CUL9: variants seen among roughly 807,000 people sequenced by gnomAD.
CUL9 encodes cullin 9.
A neutral mutation model predicts 272.6 loss-of-function variants in CUL9; 79 were observed. The observed-to-expected ratio is 0.29, with a 90% CI of 0.24 to 0.35. CUL9 has a LOEUF of 0.35. Ranked by LOEUF, CUL9 falls within the 10% of genes least tolerant of loss-of-function variation. The probability of loss-of-function intolerance (pLI) is 1.00; values close to 1 mark genes in which losing one functional copy is unlikely to be tolerated. For missense variants in CUL9, 2,532 were observed against 3,255.6 expected (o/e 0.78, Z 5.41); for synonymous variants, 1,186 against 1,286.5 (o/e 0.92, Z 1.67).
Position 43,184,607 on chromosome 6 carries a change from C to G in CUL9, c.297C>G (p.Ser99Arg), listed in dbSNP as rs747391895. The G allele has an allele frequency of 1.9e-6, 3 of 1,612,482 alleles. No individual in the cohort carries two copies. The South Asian group carries it at 3.3e-5, about 18-fold the overall frequency. The change falls in exon 2 of 41, where the codon AGC becomes AGG. Residue 99 changes from serine (S) to arginine (R), a missense_variant. Around this residue, in one of 3 missense-constraint regions of CUL9, gnomAD observed 2,218 missense variants for 2,788.6 expected, o/e 0.80. Coordinates refer to ENST00000252050, the MANE Select transcript of CUL9 (RefSeq NM_015089.4). This position sits in a 1 kb window ranked among gnomAD's most constrained non-coding sequence, Gnocchi z 4.8. ...ACGAACCAGCTGGGGTTTCAGGAAGCTTTCCTCGAGATCCAGGAGGCCTGG... is the reference window on the plus strand; with the variant it reads ...ACGAACCAGCTGGGGTTTCAGGAAGGTTTCCTCGAGATCCAGGAGGCCTGG... ...LQHEPAGVSG[S>R]FPRDPGGLDE...
rs776871653 is a variant in CUL9 at position 43,222,821 on chromosome 6, G to A, written c.7075G>A (p.Ala2359Thr). The change falls in exon 38 of 41, where the codon GCA becomes ACA. Residue 2359 changes from alanine to threonine, a missense_variant. Physicochemically the swap from Ala to Thr is moderately conservative, Grantham distance 58. Transcript: ENST00000252050. ...CGTGTACAGCTTCTACAGCCAGGAC[G>A]CAGAGTACATGGATGTGGTGGAGCA... ...ACVYSFYSQD[A>T]EYMDVVEQQT... 2.5e-6 allele frequency: 4 copies of A among 1,614,086 alleles called. No homozygotes were observed. The highest frequency in any genetic ancestry group is 1.1e-5 in the South Asian group (1 of 91,080).
chr6:43,222,726 G>A, intron 37 of CUL9, 53 bp from the exon 38 acceptor site: 2 of 1,606,988 alleles, frequency 1.2e-6, no homozygotes, highest in Non-Finnish European at 1.7e-6. Context: ...GACTTGCCTG[G>A]GTGAAGGGAA....
intron 31 of CUL9, among the ~76,000 whole-genome samples, chr6:43,219,091 A>T (rs542919156): frequency 6.6e-6 from 1 of 152,276 alleles, no homozygotes; most frequent in Non-Finnish European, 1.5e-5. Context: ...CAGGAGGTTG[A>T]GGTGGGAGGA....
At position 43,202,701 on chromosome 6, in the gene CUL9, TTTC is replaced by T. The variant is rs750058182; in HGVS notation, c.3648-9_3648-7del. The T allele has an allele frequency of 2.9e-5, 46 of 1,612,732 alleles. No homozygotes were observed. The Middle Eastern group carries it at 5.0e-4, about 17-fold the overall frequency. ...CAGAGGCCCAGCTTTGACTGTTTCC[TTTC>T]TTCTTTCCCAGGCAGCTCACTTTGC... On this transcript the variant is annotated splice_polypyrimidine_tract_variant and intron_variant, in intron 16 of 40. Coordinates refer to ENST00000252050, the MANE Select transcript of CUL9 (RefSeq NM_015089.4).
intron 8 of CUL9, among the ~76,000 whole-genome samples, chr6:43,191,307 TTTTG>T (rs1387648704): frequency 0.016 from 2,345 of 145,470 alleles, 59 homozygotes; most frequent in African/African-American, 0.06. Context: ...TTGTTTTTTT[TTTTG>T]TTTGTTTTTT....
intron 1 of CUL9, among the ~76,000 whole-genome samples, chr6:43,183,673 A>C (rs1411637841): frequency 6.6e-6 from 1 of 151,742 alleles, no homozygotes; most frequent in Non-Finnish European, 1.5e-5. Context: ...TACTGTTTTA[A>C]TTCTCTTTTT....
chr6:43,221,596 C>A lies in CUL9; in HGVS notation c.6753-89C>A. 3 of 1,217,436 alleles carry A rather than the reference C, an allele frequency of 2.5e-6. No individual in the cohort carries two copies. Among genetic ancestry groups the A allele is most frequent in the South Asian group, 1.3e-5 (1 of 76,656 alleles). The allele number at this position is 1,217,436 out of a possible 1,614,324, so 75.4% of individuals were successfully genotyped here. On this transcript the variant is annotated intron_variant, in intron 34 of 40. Coordinates refer to ENST00000252050, the MANE Select transcript of CUL9 (RefSeq NM_015089.4). This position sits in a 1 kb window ranked among gnomAD's most constrained non-coding sequence, Gnocchi z 4.2. ...ATCAGGGCAGGAGCAGAGGCCACAG[C>A]ATCAACAGCGGTACATCTGGGCCCT...
In CUL9 at chr6:43,206,157, C is replaced by T. The variant is rs556708796; in HGVS notation, c.4944C>T (p.His1648=). The T allele has an allele frequency of 5.6e-6, 9 of 1,614,096 alleles. No individual in the cohort carries two copies. The African/African-American group carries it at 9.3e-5, about 17-fold the overall frequency. The part of the protein sequence containing the change: ...STSEELQRQF[H]LFQLQRLDKL... ...CTGAGGAGCTGCAGCGCCAGTTCCACCTCTTCCAGCTCCAGCGGCTCGACA... is the reference window on the plus strand; with the variant it reads ...CTGAGGAGCTGCAGCGCCAGTTCCATCTCTTCCAGCTCCAGCGGCTCGACA... Residue 1648 remains histidine, a synonymous_variant, in exon 25 of 41, where the codon CAC becomes CAT. Transcript: ENST00000252050. This position sits in a 1 kb window ranked among gnomAD's most constrained non-coding sequence, Gnocchi z 4.8.
At position 43,200,522 on chromosome 6, in the gene CUL9, C is replaced by T; in HGVS notation, c.3471C>T (p.Cys1157=). ...TTGATGTGTTCCTCAGGCATCTCTG[C>T]CAGGGTTAGTGCCCTCATCTGCTTT... The part of the protein sequence containing the change: ...PFFDVFLRHL[C]QGSSVEVKED... Residue 1157 remains cysteine, a synonymous_variant, in exon 15 of 41, where the codon TGC becomes TGT. Transcript: ENST00000252050. This position sits in a 1 kb window ranked among gnomAD's most constrained non-coding sequence, Gnocchi z 4.0. 1 of 1,614,194 alleles carries T rather than the reference C, an allele frequency of 6.2e-7. No individual in the cohort carries two copies. The highest frequency in any genetic ancestry group is 8.5e-7 in the Non-Finnish European group (1 of 1,180,034).
In CUL9 at chr6:43,202,834, G is replaced by A. The variant is rs771606737; in HGVS notation, c.3753+13G>A. Reference sequence around the variant, plus strand: ...TGAGCTCAACACGGTGGGGACCCTTGTGCCCACCTTCACCTTGCTCCACAT... The same window carrying A: ...TGAGCTCAACACGGTGGGGACCCTTATGCCCACCTTCACCTTGCTCCACAT... On this transcript the variant is annotated intron_variant, in intron 17 of 40. Transcript: ENST00000252050. 2.5e-5 allele frequency: 41 copies of A among 1,611,524 alleles called. No homozygotes were observed. In the South Asian group the frequency reaches 4.5e-4, roughly 18 times the overall value.
chr6:43,209,603 T>C (rs1775316483), intron 26 of CUL9, among the ~76,000 whole-genome samples: 1 of 152,220 alleles, frequency 6.6e-6, no homozygotes, highest in African/African-American at 2.4e-5. Flanking sequence ...TTTCTTTGTC[T>C]TTTATGACAT....
rs1486277232 is a variant in CUL9, at chr6:43,215,315, C to T, written c.5925C>T (p.Thr1975=). Residue 1975 remains threonine, a synonymous_variant, in exon 30 of 41, where the codon ACC becomes ACT. Transcript: ENST00000252050. The part of the protein sequence containing the change: ...DVPFCGSQSE[T]SKPSPEAVAT... Reference sequence around the variant, plus strand: ...CTTTCTGTGGCAGCCAGAGCGAAACCTCCAAGCCCAGGTAGCCACTGCACC... The same window carrying T: ...CTTTCTGTGGCAGCCAGAGCGAAACTTCCAAGCCCAGGTAGCCACTGCACC... The T allele has an allele frequency of 2.5e-6, 4 of 1,609,138 alleles. No individual in the cohort carries two copies. In the South Asian group the frequency reaches 3.3e-5, roughly 13 times the overall value.
chr6:43,203,489 G>A lies in CUL9; in HGVS notation c.3922G>A (p.Glu1308Lys), dbSNP rs1774793794. 2 of 1,614,044 alleles carry A rather than the reference G, an allele frequency of 1.2e-6. No homozygotes were observed. The highest frequency in any genetic ancestry group is 1.3e-5 in the African/African-American group (1 of 74,902). ...GCCCACATTCTGGCCACTGTTCCGG[G>A]AGCAGCTGTGTCGCCGAACATGTCT... is the stretch of plus-strand genomic sequence containing the variant. ...PKPTFWPLFREQLCRRTCLFY... is the reference protein window; with the variant it reads ...PKPTFWPLFRKQLCRRTCLFY... The change falls in exon 19 of 41, where the codon GAG becomes AAG. Residue 1308 changes from glutamate (E) to lysine (K), a missense_variant. Physicochemically the swap from Glu to Lys is moderately conservative, Grantham distance 56. Coordinates refer to ENST00000252050, the MANE Select transcript of CUL9 (RefSeq NM_015089.4). This position sits in a 1 kb window ranked among gnomAD's most constrained non-coding sequence, Gnocchi z 5.0.
chr6:43,219,927 G>A (rs1776209678), intron 31 of CUL9, among the ~76,000 whole-genome samples: 3 of 152,162 alleles, frequency 2.0e-5, no homozygotes, highest in Admixed American at 6.5e-5. Context: ...GGACAGTGGT[G>A]CAAGTTGATC....
In CUL9 at chr6:43,220,164, G is replaced by A. The variant is rs941772811; in HGVS notation, c.6283-295G>A. Among the ~76,000 whole-genome samples, 1 of 152,218 alleles carries A rather than the reference G, an allele frequency of 6.6e-6. No individual in the cohort carries two copies. The highest frequency in any genetic ancestry group is 1.9e-4 in the East Asian group (1 of 5,180). ...GCATATCTTTCTGAGAATTTGAATCGTTCTCCTTTTTCTTAATTATTTTTA... is the reference window on the plus strand; with the variant it reads ...GCATATCTTTCTGAGAATTTGAATCATTCTCCTTTTTCTTAATTATTTTTA... On this transcript the variant is annotated intron_variant, in intron 31 of 40. Coordinates refer to ENST00000252050, the MANE Select transcript of CUL9 (RefSeq NM_015089.4). This position sits in a 1 kb window ranked among gnomAD's most constrained non-coding sequence, Gnocchi z 4.9.
At chr6:43,210,618 C>T (rs1485729460) in intron 26 of CUL9, among the ~76,000 whole-genome samples, 1 of 152,142 alleles carries the variant, frequency 6.6e-6, no homozygotes, top group African/African-American at 2.4e-5. Flanking sequence ...TTGCCATACC[C>T]TTAATGTTTT....
Position 43,196,700 on chromosome 6 carries a change from C to A in CUL9, c.2641C>A (p.His881Asn), listed in dbSNP as rs781354405. 5 of 1,614,216 alleles carry A rather than the reference C, an allele frequency of 3.1e-6. No individual in the cohort carries two copies. The South Asian group carries it at 5.5e-5, about 18-fold the overall frequency. ...LLLLNLLLCN[H>N]HTLGDQIITQ... Reference sequence around the variant, plus strand: ...CCTGCTCAACCTACTTTTGTGCAACCACCACACTCTGGGAGACCAGATTAT... The same window carrying A: ...CCTGCTCAACCTACTTTTGTGCAACAACCACACTCTGGGAGACCAGATTAT... The change falls in exon 11 of 41, where the codon CAC (histidine) becomes AAC (asparagine). Residue 881 changes from histidine to asparagine, a missense_variant. Coordinates refer to ENST00000252050, the MANE Select transcript of CUL9 (RefSeq NM_015089.4).
chr6:43,185,744 C>A, intron 3 of CUL9, 134 bp downstream of exon 3: 2 of 1,208,374 alleles, frequency 1.7e-6, no homozygotes, highest in Non-Finnish European at 2.3e-6. Context: ...TCCTCCCTCC[C>A]AGCCCCTCTC....
At position 43,216,145 on chromosome 6, in the gene CUL9, C is replaced by G. The variant is rs751807018; in HGVS notation, c.5937-13C>G. ...GCAGGAATACTGACTTCTGTCTCTTCCCTCCCCACAAGCCCAGAAGCTGTG... is the reference window on the plus strand; with the variant it reads ...GCAGGAATACTGACTTCTGTCTCTTGCCTCCCCACAAGCCCAGAAGCTGTG... On this transcript the variant is annotated splice_polypyrimidine_tract_variant and intron_variant, in intron 30 of 40. Transcript: ENST00000252050. The G allele has an allele frequency of 1.6e-5, 26 of 1,595,046 alleles. No individual in the cohort carries two copies. Among genetic ancestry groups the G allele is most frequent in the Non-Finnish European group, 2.0e-5 (23 of 1,165,274 alleles).
Sources: allele counts gnomAD v4.1 joint callset (sites outside exome capture counted in the v4.1 genomes callset), GRCh38; gene constraint gnomAD v4.1.1; regional missense constraint gnomAD v4.1.1; non-coding constraint Gnocchi (gnomAD v3.1); transcripts MANE v1.5; gene names NCBI Gene and HGNC (gene_info 2026-07-23, HGNC 2026-07-21).